Variants in NECAB1 observed in about 807,000 individuals in gnomAD.
NECAB1 encodes N-terminal EF-hand calcium-binding protein 1.
Under a neutral mutation model 57.5 loss-of-function variants are expected in NECAB1, and 29 were observed. The ratio of observed to expected loss-of-function variants is 0.50; its 90% confidence interval spans 0.38 to 0.69. The LOEUF (loss-of-function observed/expected upper bound fraction) is 0.69, where lower values mean the gene tolerates loss of function less well. NECAB1 is among the 30% of genes least tolerant of loss of function. NECAB1 has a pLI of 0.00. For synonymous variants in NECAB1, 142 were observed against 147.7 expected (o/e 0.96, Z 0.28); for missense variants, 372 against 413.8 (o/e 0.90, Z 0.88).
At chr8:90,800,867 C>T (rs1811746865) in intron 1 of NECAB1, among the ~76,000 whole-genome samples, 2 of 152,118 alleles carry the variant, frequency 1.3e-5, no homozygotes, top group South Asian at 2.1e-4. Context: ...CTGCCCAACA[C>T]TGGAGCACCT....
At chr8:90,921,735 GT>G (rs1810119502) in intron 6 of NECAB1, among the ~76,000 whole-genome samples, 1 of 152,068 alleles carries the variant, frequency 6.6e-6, no homozygotes, top group Non-Finnish European at 1.5e-5. Context: ...CTCTAGGATT[GT>G]GATAATTTGC....
chr8:90,866,931 T>A, intron 3 of NECAB1, among the ~76,000 whole-genome samples: 1 of 152,232 alleles, frequency 6.6e-6, no homozygotes, highest in Non-Finnish European at 1.5e-5. Context: ...TAAATCATTC[T>A]ACTATAAAGA....
At chr8:90,891,517 A>C (rs1809167377) in intron 5 of NECAB1, among the ~76,000 whole-genome samples, 1 of 152,076 alleles carries the variant, frequency 6.6e-6, no homozygotes, top group South Asian at 2.1e-4. Flanking sequence ...AATTTTCAAC[A>C]AATATTACCT....
At chr8:90,908,307 A>G (rs921947927) in intron 5 of NECAB1, among the ~76,000 whole-genome samples, 1 of 152,152 alleles carries the variant, frequency 6.6e-6, no homozygotes, top group African/African-American at 2.4e-5. Context: ...TTTATGGGGA[A>G]GAAATTTTGG....
chr8:90,795,971 G>A (rs1309558074), intron 1 of NECAB1, among the ~76,000 whole-genome samples: 2 of 152,196 alleles, frequency 1.3e-5, no homozygotes, highest in African/African-American at 4.8e-5. Flanking sequence ...TCCTGTACAT[G>A]TACCCCGGAA....
At chr8:90,906,883 A>ATAATATGTATATATATATATATGTATG (rs1809671432) in intron 5 of NECAB1, among the ~76,000 whole-genome samples, 2 of 80,758 alleles carry the variant, frequency 2.5e-5, no homozygotes, top group Admixed American at 3.3e-4. Flanking sequence ...ACACATATAT[A>ATAATATGTATATATATATATATGTATG]TATATATATA....
chr8:90,864,362 T>TG (rs1347305893), intron 3 of NECAB1, among the ~76,000 whole-genome samples: 5 of 19,584 alleles, frequency 2.6e-4, no homozygotes, highest in African/African-American at 8.9e-4. Context: ...GGGGAGGGAG[T>TG]GGGGGGAAGG....
At chr8:90,905,270 G>A (rs1809609998) in intron 5 of NECAB1, among the ~76,000 whole-genome samples, 1 of 152,178 alleles carries the variant, frequency 6.6e-6, no homozygotes, top group Non-Finnish European at 1.5e-5. Flanking sequence ...AAAGAAGCCA[G>A]GGAAAGTCCA....
intron 7 of NECAB1, among the ~76,000 whole-genome samples, chr8:90,926,689 T>G (rs2740791): frequency 0.53 from 80,090 of 152,006 alleles, 24,625 homozygotes; most frequent in African/African-American, 0.83. Flanking sequence ...AACAGCTGGA[T>G]CATTTTCTTC....
At chr8:90,936,436 A>T (rs989294722) in intron 9 of NECAB1, among the ~76,000 whole-genome samples, 9 of 152,172 alleles carry the variant, frequency 5.9e-5, no homozygotes, top group African/African-American at 2.2e-4. Context: ...CAGCCAAATG[A>T]GGTAGTGCTA....
intron 9 of NECAB1, among the ~76,000 whole-genome samples, chr8:90,938,501 CA>C (rs1290135377): frequency 6.6e-6 from 1 of 152,196 alleles, no homozygotes; most frequent in Non-Finnish European, 1.5e-5. Flanking sequence ...CCACATCCTA[CA>C]ATTTGTTTCG....
chr8:90,870,783 A>G (rs961563901), intron 3 of NECAB1, among the ~76,000 whole-genome samples: 8 of 152,180 alleles, frequency 5.3e-5, no homozygotes, highest in Non-Finnish European at 1.0e-4. Context: ...AGATGTTGCA[A>G]CCTCATACAT....
In NECAB1 at chr8:90,917,558, C is replaced by T. The variant is rs1305844887; in HGVS notation, c.424C>T (p.Gln142Ter). Residue 142 changes from glutamine (Q) to a stop codon, truncating the protein, a stop_gained, in exon 6 of 13, where the codon CAG becomes TAG. Coordinates refer to ENST00000417640, the MANE Select transcript of NECAB1 (RefSeq NM_022351.5). LOFTEE classifies it high-confidence loss of function. ...TRFLLKETLN[Q>*]LQSLQNSLEC... is the part of the protein sequence containing the mutation. ...ATTTTTATTGAAGGAAACCCTGAAT[C>T]AGCTGCAGTCTCTCCAGAATTCCCT... 9 of 1,612,090 alleles carry T rather than the reference C, an allele frequency of 5.6e-6. No homozygotes were observed. Among genetic ancestry groups the T allele is most frequent in the African/African-American group, 1.3e-5 (1 of 74,754 alleles).
chr8:90,814,327 A>G (rs1362916627), intron 2 of NECAB1, among the ~76,000 whole-genome samples: 5 of 152,140 alleles, frequency 3.3e-5, no homozygotes, highest in Admixed American at 2.0e-4. Flanking sequence ...GTTGATATTG[A>G]TCACCTGGCT....
chr8:90,921,821 T>C (rs1403430137), intron 6 of NECAB1, among the ~76,000 whole-genome samples: 3 of 152,212 alleles, frequency 2.0e-5, no homozygotes, highest in Admixed American at 2.0e-4. Context: ...CCTTGGAATA[T>C]AGCAAATTTA....
intron 2 of NECAB1, among the ~76,000 whole-genome samples, chr8:90,822,587 C>A (rs561638714): frequency 1.3e-4 from 19 of 151,756 alleles, no homozygotes; most frequent in African/African-American, 4.3e-4. Context: ...ATCATCAGAG[C>A]CCTTATTAAT....
chr8:90,945,041 G>T (rs1335479542), intron 10 of NECAB1, among the ~76,000 whole-genome samples: 1 of 152,026 alleles, frequency 6.6e-6, no homozygotes, highest in African/African-American at 2.4e-5. Flanking sequence ...GGGAGTACAG[G>T]TGCATGCCAC....
chr8:90,837,763 C>G (rs928019114), intron 3 of NECAB1, among the ~76,000 whole-genome samples: 3 of 152,174 alleles, frequency 2.0e-5, no homozygotes, highest in African/African-American at 7.2e-5. Context: ...TCTTGTTGCT[C>G]TCTTGCTGTG....
intron 3 of NECAB1, among the ~76,000 whole-genome samples, chr8:90,844,963 A>G (rs1341687720): frequency 6.6e-6 from 1 of 152,224 alleles, no homozygotes; most frequent in East Asian, 1.9e-4. Context: ...AAGTCTGGCA[A>G]GTTTAAAATC....
Sources: gnomAD v4.1 joint callset for allele counts (sites outside exome capture counted in the v4.1 genomes callset) on GRCh38, gnomAD v4.1.1 for gene constraint, MANE v1.5 for transcripts, NCBI Gene and HGNC (gene_info 2026-07-23, HGNC 2026-07-21) for gene names.